The following LUC7L2 variants were observed in gnomAD, a reference collection of about 807,000 sequenced individuals.
LUC7L2 encodes LUC7 like 2, pre-mRNA splicing factor.
A neutral mutation model predicts 52.8 loss-of-function variants in LUC7L2; 25 were observed. The observed-to-expected ratio is 0.47, with a 90% CI of 0.34 to 0.66. The LOEUF (loss-of-function observed/expected upper bound fraction) is 0.66. Ranked by LOEUF, LUC7L2 falls within the 30% of genes least tolerant of loss-of-function variation. The pLI is 0.01. For synonymous variants in LUC7L2, 144 were observed against 160.9 expected (o/e 0.89, Z 0.80); for missense variants, 328 against 497.8 (o/e 0.66, Z 3.25).
chr7:139,389,526 G>T (rs1371252102), intron 2 of LUC7L2, among the ~76,000 whole-genome samples: 3 of 152,000 alleles, frequency 2.0e-5, no homozygotes, highest in Non-Finnish European at 4.4e-5. Flanking sequence ...TTTGTCTTCT[G>T]TGTAAATTAT....
chr7:139,390,274 T>A (rs1343362234), intron 2 of LUC7L2, among the ~76,000 whole-genome samples: 2 of 151,878 alleles, frequency 1.3e-5, no homozygotes, highest in Non-Finnish European at 2.9e-5. Context: ...TTTTATTTTT[T>A]TTGGAGACCA....
At chr7:139,368,351 C>T (rs1212730998) in intron 1 of LUC7L2, among the ~76,000 whole-genome samples, 2 of 152,140 alleles carry the variant, frequency 1.3e-5, no homozygotes, top group Non-Finnish European at 2.9e-5. Context: ...TAGGTGTCTG[C>T]ATTTAAAAAA....
At chr7:139,372,644 A>G (rs1217869467) in intron 1 of LUC7L2, among the ~76,000 whole-genome samples, 1 of 152,072 alleles carries the variant, frequency 6.6e-6, no homozygotes, top group Non-Finnish European at 1.5e-5. Context: ...TTATTACTCC[A>G]TTAATATATC....
At chr7:139,349,883 G>C (rs1170377626) in intron 1 of LUC7L2, among the ~76,000 whole-genome samples, 1 of 152,090 alleles carries the variant, frequency 6.6e-6, no homozygotes, top group Non-Finnish European at 1.5e-5. Context: ...TTTGACAAAT[G>C]AATACACCTG....
At chr7:139,403,333 A>T (rs1585120899) in intron 4 of LUC7L2, among the ~76,000 whole-genome samples, 1 of 152,338 alleles carries the variant, frequency 6.6e-6, no homozygotes, top group African/African-American at 2.4e-5. Flanking sequence ...TTGATGACTT[A>T]TTACAACATA....
intron 1 of LUC7L2, 135 bp from the exon 2 acceptor site, chr7:139,375,927 T>C (rs561728833): frequency 2.4e-6 from 2 of 834,684 alleles, no homozygotes; most frequent in African/African-American, 1.7e-5. Context: ...AGGATGTATA[T>C]AAAAACTAAT....
At chr7:139,397,673 T>C (rs1794722675) in intron 2 of LUC7L2, among the ~76,000 whole-genome samples, 3 of 152,196 alleles carry the variant, frequency 2.0e-5, no homozygotes, top group Admixed American at 2.0e-4. Context: ...CTTGCCAATT[T>C]TTTCTCATAT....
chr7:139,344,823 C>T (rs1386831436), intron 1 of LUC7L2: 1 of 150,544 alleles, frequency 6.6e-6, no homozygotes, highest in Non-Finnish European at 1.5e-5. Context: ...CCGCCTCAGC[C>T]TCCTGAGTAG....
At chr7:139,361,336 C>CT (rs1490003200) in intron 1 of LUC7L2, among the ~76,000 whole-genome samples, 1 of 152,148 alleles carries the variant, frequency 6.6e-6, no homozygotes, top group East Asian at 1.9e-4. Context: ...TAAGGAAATG[C>CT]TTTTTTTCTT....
intron 5 of LUC7L2, 121 bp downstream of exon 5, chr7:139,405,908 T>C: frequency 7.4e-7 from 1 of 1,350,102 alleles, no homozygotes; most frequent in Non-Finnish European, 9.7e-7. Context: ...TGGAAATTAT[T>C]GAACAGTTGT....
chr7:139,341,213 G>A (rs1476598074), intron 1 of LUC7L2: 3 of 1,205,720 alleles, frequency 2.5e-6, no homozygotes, highest in Admixed American at 3.0e-5. Flanking sequence ...GCGCCCCTGG[G>A]CCTTCGATTA....
At chr7:139,359,777 C>G (rs1485473465), upstream of LUC7L2, 2 of 398,932 alleles carry the variant, frequency 5.0e-6, no homozygotes, top group Admixed American at 4.4e-5. Context: ...AGCGCGCGTG[C>G]ACGCGCCCAG....
At chr7:139,414,137 C>G (rs1047029056) in intron 8 of LUC7L2, among the ~76,000 whole-genome samples, 6 of 152,294 alleles carry the variant, frequency 3.9e-5, no homozygotes, top group East Asian at 3.9e-4. Flanking sequence ...TTGCCCACCC[C>G]CCTTCTTCAC....
At chr7:139,388,161 T>C (rs572025157) in intron 2 of LUC7L2, among the ~76,000 whole-genome samples, 1 of 152,332 alleles carries the variant, frequency 6.6e-6, no homozygotes, top group South Asian at 2.1e-4. Context: ...CTCATTTGTG[T>C]ATATATTCTC....
chr7:139,417,372 G>A (rs1795669250), intron 8 of LUC7L2, 166 bp from the exon 9 acceptor site: 6 of 868,266 alleles, frequency 6.9e-6, no homozygotes, highest in Non-Finnish European at 3.4e-6. Flanking sequence ...TTGAATTCTA[G>A]TATGTAGTTA....
At position 139,360,333 on chromosome 7, in the gene LUC7L2, G is replaced by GC. The variant is rs1341717330; in HGVS notation, c.61+13dup. On this transcript the variant is annotated intron_variant, in intron 1 of 9. Transcript: ENST00000354926. Reference sequence around the variant, plus strand: ...GCACCTCCCGGGACGGTAAGTCTCTGCCAGGGCCCTGGGGGTGGGGGAGGG... The same window carrying GC: ...GCACCTCCCGGGACGGTAAGTCTCTGCCCAGGGCCCTGGGGGTGGGGGAGGG... The GC allele has an allele frequency of 6.4e-7, 1 of 1,559,858 alleles. No homozygotes were observed. Among genetic ancestry groups the GC allele is most frequent in the Non-Finnish European group, 8.7e-7 (1 of 1,152,862 alleles).
At chr7:139,374,485 A>G (rs1360357752) in intron 1 of LUC7L2, 38 of 1,550,578 alleles carry the variant, frequency 2.5e-5, no homozygotes, top group Non-Finnish European at 3.2e-5. Context: ...AGTTATCGCT[A>G]ACTTTTCAGA....
At chr7:139,349,843 T>G (rs1799395376) in intron 1 of LUC7L2, among the ~76,000 whole-genome samples, 1 of 152,204 alleles carries the variant, frequency 6.6e-6, no homozygotes, top group African/African-American at 2.4e-5. Flanking sequence ...ATAATAAATA[T>G]ACTCATTTTA....
chr7:139,411,175 T>C (rs1411237500), intron 7 of LUC7L2, among the ~76,000 whole-genome samples: 1 of 152,218 alleles, frequency 6.6e-6, no homozygotes, highest in Non-Finnish European at 1.5e-5. Context: ...GATGAAAAAG[T>C]ATATCACATC....
Sources: gnomAD v4.1 joint callset for allele counts (sites outside exome capture counted in the v4.1 genomes callset) on GRCh38, gnomAD v4.1.1 for gene constraint, MANE v1.5 for transcripts, NCBI Gene and HGNC (gene_info 2026-07-23, HGNC 2026-07-21) for gene names.